The following FAM135A variants were observed in gnomAD, a reference collection of about 807,000 sequenced individuals.
FAM135A encodes the protein family with sequence similarity 135 member A.
Under a neutral mutation model 146.8 loss-of-function variants are expected in FAM135A, and 79 were observed. The ratio of observed to expected loss-of-function variants is 0.54; its 90% confidence interval spans 0.45 to 0.65. The LOEUF (loss-of-function observed/expected upper bound fraction) is 0.65. Ranked by LOEUF, FAM135A falls within the 30% of genes least tolerant of loss-of-function variation. The pLI is 0.00. For missense variants in FAM135A, 1,623 were observed against 1,758.2 expected (o/e 0.92, Z 1.38); for synonymous variants, 562 against 603.6 (o/e 0.93, Z 1.01).
intron 5 of FAM135A, among the ~76,000 whole-genome samples, chr6:70,462,291 G>A (rs894931445): frequency 6.6e-6 from 1 of 152,092 alleles, no homozygotes; most frequent in Admixed American, 6.5e-5. Flanking sequence ...GACATTGACG[G>A]CCAAGCACAG....
rs2207424 is a variant in FAM135A, at chr6:70,502,615, T to C, written c.874-21T>C. The stretch of plus-strand genomic sequence containing the variant: ...CATTAAATCTTGGGAAATAGTGAAA[T>C]TTTTTTTCTTTTCATTTCAGAAAAT... On this transcript the variant is annotated intron_variant, in intron 11 of 21. Coordinates refer to ENST00000418814, the MANE Select transcript of FAM135A (RefSeq NM_001162529.3). 6,423 of 1,593,472 alleles carry C rather than the reference T, an allele frequency of 4.0e-3. 226 individuals carry two copies. In the African/African-American group the frequency reaches 0.077, roughly 19 times the overall value.
intron 8 of FAM135A, among the ~76,000 whole-genome samples, chr6:70,480,689 A>G (rs1365814062): frequency 1.3e-5 from 2 of 152,206 alleles, no homozygotes; most frequent in African/African-American, 2.4e-5. Flanking sequence ...ATAGCAAGCA[A>G]TGTCAAACAT....
At chr6:70,436,050 G>A (rs2127864720) in intron 4 of FAM135A, among the ~76,000 whole-genome samples, 1 of 152,216 alleles carries the variant, frequency 6.6e-6, no homozygotes, top group East Asian at 1.9e-4. Flanking sequence ...CAGGCATGGT[G>A]GTGGGTGCCT....
intron 20 of FAM135A, among the ~76,000 whole-genome samples, chr6:70,552,058 A>C (rs937971247): frequency 6.6e-6 from 1 of 152,238 alleles, no homozygotes; most frequent in Non-Finnish European, 1.5e-5. Flanking sequence ...AGTAAAGCAA[A>C]GTATAGTTAA....
rs575282933 is a variant in FAM135A, at chr6:70,421,799, G to C, written c.-133-4640G>C. On this transcript the variant is annotated intron_variant, in intron 2 of 21. Transcript: ENST00000418814. ...AACAGAATGAACAATTCAGTCTCCG[G>C]TAAGTCAGCTGATTCCAGTCATTTC... Among the ~76,000 whole-genome samples the C allele has an allele frequency of 9.2e-5, 14 of 152,308 alleles. No homozygotes were observed. The South Asian group carries it at 2.9e-3, about 32-fold the overall frequency.
chr6:70,489,537 C>T (rs1023934027), intron 10 of FAM135A, among the ~76,000 whole-genome samples: 7 of 152,056 alleles, frequency 4.6e-5, no homozygotes, highest in Admixed American at 1.3e-4. Context: ...CCAAGAGACA[C>T]GCAGCAAGGG....
chr6:70,469,342 A>G (rs1391009167), intron 5 of FAM135A, among the ~76,000 whole-genome samples: 1 of 152,228 alleles, frequency 6.6e-6, no homozygotes, highest in Non-Finnish European at 1.5e-5. Context: ...GAAGTTTATT[A>G]TATGTAAGTC....
At chr6:70,454,946 GT>G (rs1420526270) in intron 5 of FAM135A, among the ~76,000 whole-genome samples, 2 of 152,208 alleles carry the variant, frequency 1.3e-5, no homozygotes, top group African/African-American at 2.4e-5. Context: ...TTTTAAAGTA[GT>G]TTTTTCCAAT....
At chr6:70,460,448 T>C (rs1779213395) in intron 5 of FAM135A, among the ~76,000 whole-genome samples, 2 of 152,252 alleles carry the variant, frequency 1.3e-5, no homozygotes, top group Non-Finnish European at 2.9e-5. Flanking sequence ...ATTCATATCC[T>C]GTTTTGTAAC....
chr6:70,556,737 A>T lies in FAM135A; in HGVS notation c.4229-13A>T. On this transcript the variant is annotated splice_polypyrimidine_tract_variant and intron_variant, in intron 20 of 21. Coordinates refer to ENST00000418814, the MANE Select transcript of FAM135A (RefSeq NM_001162529.3). ...TAACTACTGCATTATAATTTATTATATTCTATTCACAGGGCTTCATTATTT... is the reference window on the plus strand; with the variant it reads ...TAACTACTGCATTATAATTTATTATTTTCTATTCACAGGGCTTCATTATTT... 6.5e-7 allele frequency: 1 copy of T among 1,544,856 alleles called. No individual in the cohort carries two copies. Among genetic ancestry groups the T allele is most frequent in the Non-Finnish European group, 8.8e-7 (1 of 1,132,712 alleles).
chr6:70,483,760 G>A (rs1243158391), intron 10 of FAM135A, among the ~76,000 whole-genome samples: 1 of 152,144 alleles, frequency 6.6e-6, no homozygotes, highest in African/African-American at 2.4e-5. Flanking sequence ...GTGATGAAAA[G>A]TAGTGATGTA....
intron 12 of FAM135A, among the ~76,000 whole-genome samples, chr6:70,519,789 G>GA (rs1793134897): frequency 1.3e-5 from 2 of 152,140 alleles, no homozygotes; most frequent in South Asian, 4.1e-4. Flanking sequence ...CTGGGAAACT[G>GA]AAAAAATTCA....
At chr6:70,450,210 C>T (rs1776723747) in intron 4 of FAM135A, among the ~76,000 whole-genome samples, 1 of 151,854 alleles carries the variant, frequency 6.6e-6, no homozygotes, top group South Asian at 2.1e-4. Flanking sequence ...TTTTCCAAAT[C>T]TGTGGGTTGT....
chr6:70,426,119 A>C lies in FAM135A; in HGVS notation c.-133-320A>C, dbSNP rs376334503. Among the ~76,000 whole-genome samples, 470 of 150,420 alleles carry C rather than the reference A, an allele frequency of 3.1e-3. 3 individuals carry two copies. Among genetic ancestry groups the C allele is most frequent in the South Asian group, 7.3e-3 (35 of 4,784 alleles). On this transcript the variant is annotated intron_variant, in intron 2 of 21. Transcript: ENST00000418814. ...AGCGAGACTCCGTCTCAAAAAAAAAAAACAACAACAAAAAAAAAATTAATG... is the reference window on the plus strand; with the variant it reads ...AGCGAGACTCCGTCTCAAAAAAAAACAACAACAACAAAAAAAAAATTAATG...
chr6:70,493,716 A>G (rs1051487412), intron 11 of FAM135A, among the ~76,000 whole-genome samples: 1 of 152,202 alleles, frequency 6.6e-6, no homozygotes, highest in Admixed American at 6.5e-5. Flanking sequence ...GAATAGTTAA[A>G]CAAATTATGG....
chr6:70,556,172 C>T (rs1800790738), intron 20 of FAM135A, among the ~76,000 whole-genome samples: 1 of 151,976 alleles, frequency 6.6e-6, no homozygotes, highest in Admixed American at 6.6e-5. Context: ...TCACTTGAAC[C>T]CAGGAGGCAG....
intron 8 of FAM135A, among the ~76,000 whole-genome samples, chr6:70,480,155 A>G (rs16869261): frequency 0.025 from 3,844 of 152,276 alleles, 168 homozygotes; most frequent in African/African-American, 0.088. Flanking sequence ...TAACAGAAAT[A>G]TGCTTCTTCC....
chr6:70,534,531 C>T (rs1202223474), intron 18 of FAM135A, among the ~76,000 whole-genome samples: 2 of 151,750 alleles, frequency 1.3e-5, no homozygotes, highest in African/African-American at 2.4e-5. Flanking sequence ...AGGCTGGTCT[C>T]GAACTCCTGA....
At chr6:70,434,113 A>G (rs1395035034) in intron 4 of FAM135A, among the ~76,000 whole-genome samples, 1 of 152,218 alleles carries the variant, frequency 6.6e-6, no homozygotes, top group African/African-American at 2.4e-5. Context: ...GATTTGTATT[A>G]TATTAGGAGT....
Sources: gnomAD v4.1 joint callset for allele counts (sites outside exome capture counted in the v4.1 genomes callset) on GRCh38, gnomAD v4.1.1 for gene constraint, MANE v1.5 for transcripts, NCBI Gene and HGNC (gene_info 2026-07-23, HGNC 2026-07-21) for gene names.